Variants in IFIH1 observed in about 807,000 individuals in gnomAD.
The protein encoded by IFIH1 is interferon-induced helicase C domain-containing protein 1.
Under a neutral mutation model 107.4 loss-of-function variants are expected in IFIH1, and 125 were observed. The observed-to-expected ratio is 1.16, with a 90% CI of 1.01 to 1.35. The LOEUF is 1.35. IFIH1 is among the 40% of genes most tolerant of loss of function. The probability of loss-of-function intolerance (pLI) is 0.00; values close to 1 mark genes in which losing one functional copy is unlikely to be tolerated. For missense variants in IFIH1, 1,333 were observed against 1,213.7 expected (o/e 1.10, Z -1.46); for synonymous variants, 458 against 413.2 (o/e 1.11, Z -1.31).
At chr2:162,269,839 G>A (rs1293995626) in intron 13 of IFIH1, among the ~76,000 whole-genome samples, 1 of 152,124 alleles carries the variant, frequency 6.6e-6, no homozygotes, top group Non-Finnish European at 1.5e-5. Flanking sequence ...AAGCAAGCCT[G>A]GAGGCTATAT....
At chr2:162,277,837 C>T in intron 9 of IFIH1, 144 bp from the exon 10 acceptor site, 2 of 1,013,212 alleles carry the variant, frequency 2.0e-6, no homozygotes, top group Non-Finnish European at 2.8e-6. Flanking sequence ...AAAATGTGTC[C>T]TGAGCTCTGA....
intron 12 of IFIH1, among the ~76,000 whole-genome samples, chr2:162,273,470 G>A (rs1691085116): frequency 6.6e-6 from 1 of 152,088 alleles, no homozygotes; most frequent in Non-Finnish European, 1.5e-5. Context: ...TCCAGCTGGG[G>A]GCTCACAGAC....
At chr2:162,316,907 T>C (rs1683497460) in intron 1 of IFIH1, among the ~76,000 whole-genome samples, 3 of 152,260 alleles carry the variant, frequency 2.0e-5, no homozygotes, top group Admixed American at 6.5e-5. Context: ...TTAAGAAAAA[T>C]GAGTTTCTTC....
rs764907514 is a variant in IFIH1, at chr2:162,281,530, A to G, written c.1322T>C (p.Ile441Thr). Residue 441 changes from isoleucine (I) to threonine (T), a missense_variant, in exon 7 of 16, where the codon ATC becomes ACC. By Grantham distance (89) the Ile-to-Thr change is moderately conservative. Transcript: ENST00000649979. ...GVQLSDFSLI[I>T]IDECHHTNKE... ...GTTGGTGTGATGACATTCATCAATG[A>G]TAATGAGGGAAAAGTCTTAAAAGAA... 1 of 1,608,806 alleles carries G rather than the reference A, an allele frequency of 6.2e-7. No homozygotes were observed. Among genetic ancestry groups the G allele is most frequent in the Middle Eastern group, 1.7e-4 (1 of 6,052 alleles).
Position 162,277,484 on chromosome 2 carries a change from C to G in IFIH1, c.1975G>C (p.Asp659His). Residue 659 changes from aspartate to histidine, a missense_variant, in exon 10 of 16, where the codon GAT becomes CAT. By Grantham distance (81) the Asp-to-His change is moderately conservative. Coordinates refer to ENST00000649979, the MANE Select transcript of IFIH1 (RefSeq NM_022168.4). ...GDDEYCDGDE[D>H]EDDLKKPLKL... ...AAAGGTTTCTTTAAATCATCCTCATCTTCATCACCATCACAATACTCATCA... is the reference window on the plus strand; with the variant it reads ...AAAGGTTTCTTTAAATCATCCTCATGTTCATCACCATCACAATACTCATCA... 6.2e-7 allele frequency: 1 copy of G among 1,602,026 alleles called. No homozygotes were observed. Among genetic ancestry groups the G allele is most frequent in the African/African-American group, 1.3e-5 (1 of 74,810 alleles).
At chr2:162,272,923 A>G (rs1168995458) in intron 12 of IFIH1, among the ~76,000 whole-genome samples, 1 of 152,208 alleles carries the variant, frequency 6.6e-6, no homozygotes, top group Non-Finnish European at 1.5e-5. Flanking sequence ...GTATATTTTG[A>G]TTAATAGAAA....
At chr2:162,288,917 GCACACACA>G (rs3051152) in intron 4 of IFIH1, among the ~76,000 whole-genome samples, 11,896 of 135,422 alleles carry the variant, frequency 0.088, 1,638 homozygotes, top group African/African-American at 0.3. Flanking sequence ...ATACCAAAAA[GCACACACA>G]CACACACACA....
chr2:162,301,073 C>A (rs1222968334), intron 3 of IFIH1, among the ~76,000 whole-genome samples: 1 of 152,140 alleles, frequency 6.6e-6, no homozygotes, highest in Non-Finnish European at 1.5e-5. Context: ...AGAACATGAT[C>A]TATGCAAAAT....
rs772346895 is a variant in IFIH1 at position 162,267,479 on chromosome 2, C to G, written c.2898G>C (p.Gln966His). Residue 966 changes from glutamine (Q) to histidine (H), a missense_variant and splice_region_variant, in exon 15 of 16, where the codon CAG (glutamine) becomes CAC (histidine). Transcript: ENST00000649979. ...ATCTGGCCCACAGCAATTTACTCAC[C>G]TGGCCACATTTGCAGATGATTTCAC... ...INGEIICKCG[Q>H]AWGTMMVHKG... 1.2e-5 allele frequency: 19 copies of G among 1,613,414 alleles called. No individual in the cohort carries two copies. The South Asian group carries it at 2.1e-4, about 18-fold the overall frequency.
At chr2:162,283,795 G>T (rs183782191) in intron 5 of IFIH1, among the ~76,000 whole-genome samples, 1 of 152,020 alleles carries the variant, frequency 6.6e-6, no homozygotes, top group Admixed American at 6.6e-5. Context: ...GGAAATGATG[G>T]AGGCTTCCAA....
chr2:162,277,981 TTA>T (rs1682734402), intron 9 of IFIH1, among the ~76,000 whole-genome samples: 1 of 152,136 alleles, frequency 6.6e-6, no homozygotes, highest in Non-Finnish European at 1.5e-5. Context: ...CTATTAAAGT[TTA>T]TCTCAAGACT....
intron 1 of IFIH1, among the ~76,000 whole-genome samples, chr2:162,312,992 C>T (rs1683406005): frequency 6.6e-6 from 1 of 152,140 alleles, no homozygotes; most frequent in South Asian, 2.1e-4. Flanking sequence ...ATTAAGTCAA[C>T]TTTTACTGTG....
intron 14 of IFIH1, 149 bp from the exon 15 acceptor site, chr2:162,267,718 T>C (rs1386308417): frequency 1.5e-6 from 1 of 656,598 alleles, no homozygotes; most frequent in Non-Finnish European, 2.7e-6. Context: ...AGGCTTGTTA[T>C]TGCAACTAAG....
intron 4 of IFIH1, among the ~76,000 whole-genome samples, chr2:162,290,771 G>A (rs1223145222): frequency 6.6e-6 from 1 of 151,844 alleles, no homozygotes; most frequent in Non-Finnish European, 1.5e-5. Flanking sequence ...TGTGGATACA[G>A]GAAAAAATTA....
intron 5 of IFIH1, among the ~76,000 whole-genome samples, 196 bp from the exon 6 acceptor site, chr2:162,282,772 T>A (rs1682833906): frequency 6.6e-6 from 1 of 151,972 alleles, no homozygotes; most frequent in Non-Finnish European, 1.5e-5. Flanking sequence ...GGTGTGGGCA[T>A]TTATGTCTGG....
Position 162,318,416 on chromosome 2 carries a change from G to A in IFIH1, c.-109C>T, listed in dbSNP as rs541792200. On this transcript the variant is annotated 5_prime_UTR_variant, in exon 1 of 16. Coordinates refer to ENST00000649979, the MANE Select transcript of IFIH1 (RefSeq NM_022168.4). ...TCCGCTGCCCACTTAGAGAAGCAGG[G>A]TCTACCGCTCTGTGCCTGACAATGA... 3.9e-4 allele frequency: 351 copies of A among 906,106 alleles called. No individual in the cohort carries two copies. The African/African-American group carries it at 5.0e-3, about 13-fold the overall frequency. 56.1% of individuals were successfully genotyped at this position (906,106 alleles called of 1,614,324 possible). A position where few individuals can be genotyped will look rare whatever the true frequency, so the allele number is the denominator to read the frequency against.
At chr2:162,312,877 C>G (rs775629105) in intron 1 of IFIH1, among the ~76,000 whole-genome samples, 1 of 152,108 alleles carries the variant, frequency 6.6e-6, no homozygotes, top group Non-Finnish European at 1.5e-5. Flanking sequence ...TTGACTGAAG[C>G]AATCAGGAAG....
At chr2:162,316,467 G>T (rs1347237671) in intron 1 of IFIH1, among the ~76,000 whole-genome samples, 1 of 152,214 alleles carries the variant, frequency 6.6e-6, no homozygotes, top group Non-Finnish European at 1.5e-5. Context: ...TAATTTACTT[G>T]TTGGGAAAAC....
rs753209427 is a variant in IFIH1, at chr2:162,276,942, G to C, written c.2049C>G (p.Asn683Lys). The C allele has an allele frequency of 6.3e-7, 1 of 1,594,674 alleles. No individual in the cohort carries two copies. ...CAGCCAGCCTTTTCAACATTTTATT[G>C]TTTTCTTTAAGAAATAATTAGAGTT... is the stretch of plus-strand genomic sequence containing the variant. ...DRFLMTLFFENNKMLKRLAEN... is the reference protein window; with the variant it reads ...DRFLMTLFFEKNKMLKRLAEN... Residue 683 changes from asparagine to lysine, a missense_variant, in exon 11 of 16, where the codon AAC becomes AAG. By Grantham distance (94) the Asn-to-Lys change is moderately conservative. Transcript: ENST00000649979.
Sources: allele counts gnomAD v4.1 joint callset (sites outside exome capture counted in the v4.1 genomes callset), GRCh38; gene constraint gnomAD v4.1.1; transcripts MANE v1.5; gene names NCBI Gene and HGNC (gene_info 2026-07-23, HGNC 2026-07-21).